CCNH: variants seen among roughly 807,000 people sequenced by gnomAD.
CCNH encodes the protein cyclin-H.
In CCNH, 31 loss-of-function variants were observed where a neutral mutation model predicts 41.9. That is an observed-to-expected ratio of 0.74 (90% CI 0.56 to 1.00). The LOEUF (loss-of-function observed/expected upper bound fraction) is 1.00, where lower values mean the gene tolerates loss of function less well. CCNH is among the 50% of genes least tolerant of loss of function. The probability of loss-of-function intolerance (pLI) is 0.00; values close to 1 mark genes in which losing one functional copy is unlikely to be tolerated. For synonymous variants in CCNH, 138 were observed against 136.1 expected (o/e 1.01, Z -0.10); for missense variants, 362 against 388.4 (o/e 0.93, Z 0.57).
chr5:87,401,866 G>A, intron 5 of CCNH, 94 bp from the exon 6 acceptor site: 1 of 686,364 alleles, frequency 1.5e-6, no homozygotes, highest in Non-Finnish European at 2.2e-6. Flanking sequence ...CTCATCAAAG[G>A]CAATTAAAAA....
At chr5:87,372,322 A>G, downstream of CCNH, 1 of 805,658 alleles carries the variant, frequency 1.2e-6, no homozygotes, top group Non-Finnish European at 2.1e-6. Context: ...CACTTGCTTC[A>G]GTAGCAGGAA....
chr5:87,329,504 A>G (rs1038228296), intron 9 of CCNH, among the ~76,000 whole-genome samples: 8 of 152,132 alleles, frequency 5.3e-5, no homozygotes, highest in African/African-American at 1.7e-4. Flanking sequence ...ACTTAAAATC[A>G]TAAGTTGGAT....
chr5:87,373,302 T>C (rs1426571089), downstream of CCNH, among the ~76,000 whole-genome samples: 4 of 152,062 alleles, frequency 2.6e-5, no homozygotes, highest in African/African-American at 9.7e-5. Flanking sequence ...AGCATTCACA[T>C]TGTATTAGGT....
At chr5:87,396,425 T>C (rs1224869769) in intron 7 of CCNH, among the ~76,000 whole-genome samples, 2 of 151,936 alleles carry the variant, frequency 1.3e-5, no homozygotes, top group Non-Finnish European at 2.9e-5. Flanking sequence ...CTTGAGACCA[T>C]CCTTGGCTAA....
intron 9 of CCNH, among the ~76,000 whole-genome samples, chr5:87,335,419 G>GTTTTTTTTTTT (rs34986349): frequency 1.2e-4 from 9 of 72,886 alleles, no homozygotes; most frequent in African/African-American, 1.7e-4. Flanking sequence ...AAAGAATGAG[G>GTTTTTTTTTTT]TTTTTTTTTT....
intron 9 of CCNH, among the ~76,000 whole-genome samples, chr5:87,322,647 T>C (rs1453558267): frequency 6.6e-6 from 1 of 152,210 alleles, no homozygotes; most frequent in African/African-American, 2.4e-5. Context: ...TCCAGCACCA[T>C]GCTTCCTCTA....
rs181514965 is a variant in CCNH, at chr5:87,406,751, T to C, written c.525+1225A>G. ...GCTCTTTCTGTATCCACAACCTTCA[T>C]ACGAGTGAAGCCCAGCACTATCTTT... On this transcript the variant is annotated intron_variant, in intron 4 of 8. Transcript: ENST00000256897. 5.8e-3 allele frequency among the ~76,000 whole-genome samples: 886 copies of C among 152,262 alleles called. 8 individuals carry two copies. Among genetic ancestry groups the C allele is most frequent in the South Asian group, 7.7e-3 (37 of 4,826 alleles).
chr5:87,355,061 A>G (rs1759550939), intron 9 of CCNH, among the ~76,000 whole-genome samples: 1 of 152,202 alleles, frequency 6.6e-6, no homozygotes, highest in Non-Finnish European at 1.5e-5. Flanking sequence ...CCATAACATA[A>G]AAGTGTACGG....
chr5:87,412,331 C>T, intron 1 of CCNH: 1 of 904,740 alleles, frequency 1.1e-6, no homozygotes, highest in Non-Finnish European at 1.4e-6. Flanking sequence ...CTGGAACTTC[C>T]TTTCCCATTT....
intron 9 of CCNH, among the ~76,000 whole-genome samples, chr5:87,363,104 A>C (rs918789578): frequency 3.3e-5 from 5 of 152,026 alleles, no homozygotes; most frequent in African/African-American, 1.2e-4. Flanking sequence ...CATCATGATG[A>C]AATCTCTGAA....
intron 9 of CCNH, among the ~76,000 whole-genome samples, chr5:87,338,958 A>C (rs1758243241): frequency 6.6e-6 from 1 of 152,122 alleles, no homozygotes; most frequent in Non-Finnish European, 1.5e-5. Context: ...ACAGGTCAGC[A>C]TTTGAATGGC....
intron 7 of CCNH, among the ~76,000 whole-genome samples, chr5:87,397,638 C>A (rs1019493483): frequency 6.6e-6 from 1 of 152,196 alleles, no homozygotes; most frequent in Non-Finnish European, 1.5e-5. Context: ...AAGCACCCCT[C>A]AAGTACTCAT....
chr5:87,368,796 A>T lies in CCNH; in HGVS notation c.*90+23974T>A, dbSNP rs1760719168. On this transcript the variant is annotated intron_variant and NMD_transcript_variant, in intron 9 of 9. Coordinates refer to the CCNH transcript ENST00000645953. ...CTGGCAACTGCCTTGAACGGAAAAG[A>T]TGTGGAGAATGTCGGGTTAATTATA... Among the ~76,000 whole-genome samples the T allele has an allele frequency of 2.0e-5, 3 of 152,198 alleles. No homozygotes were observed. The South Asian group carries it at 6.2e-4, about 31-fold the overall frequency.
At chr5:87,402,231 T>C (rs566465818) in intron 5 of CCNH, among the ~76,000 whole-genome samples, 84 of 152,312 alleles carry the variant, frequency 5.5e-4, no homozygotes, top group African/African-American at 1.9e-3. Flanking sequence ...ATTTTATCTA[T>C]AGTTGCACTT....
chr5:87,366,874 A>G (rs1580364291), intron 9 of CCNH, among the ~76,000 whole-genome samples: 1 of 152,128 alleles, frequency 6.6e-6, no homozygotes, highest in East Asian at 1.9e-4. Flanking sequence ...TCTTTAAAAA[A>G]TTAAAAAATT....
At chr5:87,324,102 G>A (rs1439521432) in intron 9 of CCNH, among the ~76,000 whole-genome samples, 4 of 152,172 alleles carry the variant, frequency 2.6e-5, no homozygotes, top group Non-Finnish European at 4.4e-5. Context: ...ACCTTCAGAC[G>A]TAGTGATTTC....
intron 9 of CCNH, among the ~76,000 whole-genome samples, chr5:87,322,119 C>T (rs1296328879): frequency 6.6e-6 from 1 of 152,036 alleles, no homozygotes; most frequent in Non-Finnish European, 1.5e-5. Flanking sequence ...GTTTGCTGCC[C>T]TCCCCTGTGG....
downstream of CCNH, among the ~76,000 whole-genome samples, chr5:87,317,135 A>G (rs995650568): frequency 1.3e-5 from 2 of 152,124 alleles, no homozygotes; most frequent in Admixed American, 1.3e-4. Context: ...TGCCCGCCTT[A>G]ACCTCCCAAA....
chr5:87,389,631 A>G, downstream of CCNH: 1 of 1,447,802 alleles, frequency 6.9e-7, no homozygotes, highest in Non-Finnish European at 9.6e-7. Flanking sequence ...TGTTACATTA[A>G]ATTTTTGAGA....
Sources: allele counts gnomAD v4.1 joint callset (sites outside exome capture counted in the v4.1 genomes callset), GRCh38; gene constraint gnomAD v4.1.1; transcripts MANE v1.5; gene names NCBI Gene and HGNC (gene_info 2026-07-23, HGNC 2026-07-21).